Variants in NETO2 observed in about 807,000 individuals in gnomAD.
NETO2 encodes the protein neuropilin and tolloid-like protein 2.
Under a neutral mutation model 62.5 loss-of-function variants are expected in NETO2, and 28 were observed. The observed-to-expected ratio is 0.45, with a 90% CI of 0.33 to 0.61. The LOEUF (loss-of-function observed/expected upper bound fraction) is 0.61. NETO2 is among the 20% of genes least tolerant of loss of function. NETO2 has a pLI of 0.02. For missense variants in NETO2, 548 were observed against 643.2 expected (o/e 0.85, Z 1.60); for synonymous variants, 214 against 219.1 (o/e 0.98, Z 0.21).
In NETO2 at chr16:47,096,755, G is replaced by A. The variant is rs1232250416; in HGVS notation, c.884-10416C>T. 5.9e-5 allele frequency among the ~76,000 whole-genome samples: 9 copies of A among 152,302 alleles called. No homozygotes were observed. The South Asian group carries it at 1.2e-3, about 21-fold the overall frequency. On this transcript the variant is annotated intron_variant, in intron 7 of 8. Coordinates refer to ENST00000562435, the MANE Select transcript of NETO2 (RefSeq NM_018092.5). ...CAGTTGATTCCTGGGCAAGATGGCC[G>A]AATAGGAACAGTTCCAGTCTGCAGC...
At position 47,143,651 on chromosome 16, in the gene NETO2, AGCG is replaced by A; in HGVS notation, c.-42_-40del. On this transcript the variant is annotated 5_prime_UTR_variant, in exon 1 of 9. Coordinates refer to ENST00000562435, the MANE Select transcript of NETO2 (RefSeq NM_018092.5). The stretch of plus-strand genomic sequence containing the variant: ...CCGGCGCTTCGCGAAGGGCTGAGGT[AGCG>A]GCGGCGGTGGCTCGGCGCTCACGGC... 1 of 1,219,478 alleles carries A rather than the reference AGCG, an allele frequency of 8.2e-7. No individual in the cohort carries two copies. The allele number at this position is 1,219,478 out of a possible 1,614,324, so 75.5% of individuals were successfully genotyped here.
rs1386749620 is a variant in NETO2 at position 47,079,271 on chromosome 16, ACT to A, written c.*3948_*3949del. 3 of 145,586 alleles carry A rather than the reference ACT, an allele frequency of 2.1e-5. No individual in the cohort carries two copies. Among genetic ancestry groups the A allele is most frequent in the Non-Finnish European group, 3.0e-5 (2 of 67,262 alleles). The allele number at this position is 145,586 out of a possible 1,614,324, so 9.0% of individuals were successfully genotyped here. A position where few individuals can be genotyped will look rare whatever the true frequency, so the allele number is the denominator to read the frequency against. On this transcript the variant is annotated 3_prime_UTR_variant, in exon 9 of 9. Coordinates refer to ENST00000562435, the MANE Select transcript of NETO2 (RefSeq NM_018092.5). ...ACTCTAGCCTGGGTGACAGAGCGAG[ACT>A]CTGTCTCAAAAAACAAAAAAACAGA...
At chr16:47,138,363 G>GT (rs1964399767) in intron 1 of NETO2, among the ~76,000 whole-genome samples, 1 of 152,206 alleles carries the variant, frequency 6.6e-6, no homozygotes, top group South Asian at 2.1e-4. Context: ...TCGTGCCACT[G>GT]CACTCCAGCC....
intron 3 of NETO2, 129 bp from the exon 4 acceptor site, chr16:47,128,702 G>A: frequency 1.1e-6 from 1 of 933,214 alleles, no homozygotes; most frequent in South Asian, 1.7e-5. Flanking sequence ...AGTGAGAATT[G>A]CTATACAAGT....
chr16:47,129,091 T>C, intron 3 of NETO2, 133 bp downstream of exon 3: 1 of 835,716 alleles, frequency 1.2e-6, no homozygotes, highest in Non-Finnish European at 1.9e-6. Context: ...GCAGAAATAC[T>C]TATCATTACT....
intron 4 of NETO2, among the ~76,000 whole-genome samples, 191 bp from the exon 5 acceptor site, chr16:47,123,103 G>T (rs993228458): frequency 1.3e-5 from 2 of 152,154 alleles, no homozygotes; most frequent in African/African-American, 4.8e-5. Context: ...TTATATTTTT[G>T]ATTCCATAGT....
At chr16:47,092,208 C>A (rs761537514) in intron 7 of NETO2, among the ~76,000 whole-genome samples, 1 of 152,030 alleles carries the variant, frequency 6.6e-6, no homozygotes, top group South Asian at 2.1e-4. Flanking sequence ...ATGGAAAGGA[C>A]GCGATATGTG....
At chr16:47,141,471 A>C (rs900534556) in intron 1 of NETO2, among the ~76,000 whole-genome samples, 1 of 151,974 alleles carries the variant, frequency 6.6e-6, no homozygotes, top group East Asian at 1.9e-4. Context: ...AAAAAAAAAA[A>C]ACAAAAACAA....
intron 1 of NETO2, among the ~76,000 whole-genome samples, chr16:47,140,636 C>T (rs905581587): frequency 1.3e-5 from 2 of 152,098 alleles, no homozygotes; most frequent in African/African-American, 4.8e-5. Context: ...AGTGTTAAAA[C>T]AGTTTTTCCC....
At chr16:47,115,714 C>CATATATATATATATATATATAT (rs918750034) in intron 6 of NETO2, among the ~76,000 whole-genome samples, 1 of 128,502 alleles carries the variant, frequency 7.8e-6, no homozygotes, top group African/African-American at 3.5e-5. Flanking sequence ...TATATATATA[C>CATATATATATATATATATATAT]ATATATATAT....
intron 1 of NETO2, among the ~76,000 whole-genome samples, chr16:47,134,613 C>T (rs1964332331): frequency 6.6e-6 from 1 of 152,110 alleles, no homozygotes; most frequent in Non-Finnish European, 1.5e-5. Context: ...CGCAGTATAC[C>T]ATTCCTCCTT....
intron 1 of NETO2, among the ~76,000 whole-genome samples, chr16:47,142,660 T>G (rs1211343253): frequency 6.6e-6 from 1 of 152,154 alleles, no homozygotes; most frequent in Non-Finnish European, 1.5e-5. Flanking sequence ...CTTTACTGAG[T>G]GGTGGTGCTG....
chr16:47,128,540 TCAAAGGTCAA>T lies in NETO2; in HGVS notation c.256_265del (p.Leu86MetfsTer6). The T allele has an allele frequency of 1.2e-6, 2 of 1,613,418 alleles. No homozygotes were observed. The highest frequency in any genetic ancestry group is 1.7e-6 in the Non-Finnish European group (2 of 1,179,928). ...TGATGGTTCTATATAATAATGTTCATCAAAGGTCAACTCTATTCTTTGACGTGGAGCAGCT... is the reference window on the plus strand; with the variant it reads ...TGATGGTTCTATATAATAATGTTCATCTCTATTCTTTGACGTGGAGCAGCT... On this transcript the variant is annotated frameshift_variant, in exon 4 of 9. Transcript: ENST00000562435. LOFTEE classifies it high-confidence loss of function.
chr16:47,078,014 T>C lies in NETO2; in HGVS notation c.*5207A>G, dbSNP rs895009057. The C allele has an allele frequency of 6.6e-6, 1 of 152,334 alleles. No homozygotes were observed. The highest frequency in any genetic ancestry group is 1.5e-5 in the Non-Finnish European group (1 of 68,022). 9.4% of individuals were successfully genotyped at this position (152,334 alleles called of 1,614,324 possible). On this transcript the variant is annotated 3_prime_UTR_variant, in exon 9 of 9. Coordinates refer to ENST00000562435, the MANE Select transcript of NETO2 (RefSeq NM_018092.5). Reference sequence around the variant, plus strand: ...GGCTCTCCAGCCCACTCTGTGACAGTCCTCACTGCCTCTTCAGTGACCGGA... The same window carrying C: ...GGCTCTCCAGCCCACTCTGTGACAGCCCTCACTGCCTCTTCAGTGACCGGA...
At chr16:47,141,448 A>G (rs1015604071) in intron 1 of NETO2, among the ~76,000 whole-genome samples, 2 of 151,932 alleles carry the variant, frequency 1.3e-5, no homozygotes, top group African/African-American at 4.8e-5. Context: ...AATAAATTAT[A>G]CATGCGTTTG....
At chr16:47,093,879 T>G (rs1158204138) in intron 7 of NETO2, among the ~76,000 whole-genome samples, 1 of 152,210 alleles carries the variant, frequency 6.6e-6, no homozygotes, top group African/African-American at 2.4e-5. Flanking sequence ...TTTGCACAAA[T>G]CATACAGCTT....
chr16:47,111,519 A>C (rs1350358560), intron 6 of NETO2, among the ~76,000 whole-genome samples: 1 of 152,230 alleles, frequency 6.6e-6, no homozygotes, highest in Non-Finnish European at 1.5e-5. Flanking sequence ...TGTTGGGAGA[A>C]GGGCATAAAC....
In NETO2 at chr16:47,143,687, G is replaced by A; in HGVS notation, c.-75C>T. On this transcript the variant is annotated 5_prime_UTR_variant, in exon 1 of 9. Coordinates refer to ENST00000562435, the MANE Select transcript of NETO2 (RefSeq NM_018092.5). Reference sequence around the variant, plus strand: ...TGGCTCGGCGCTCACGGCTCGGCGCGGCGGCGACGGCCCCACTCCGTCCCC... The same window carrying A: ...TGGCTCGGCGCTCACGGCTCGGCGCAGCGGCGACGGCCCCACTCCGTCCCC... 1 of 1,213,748 alleles carries A rather than the reference G, an allele frequency of 8.2e-7. No individual in the cohort carries two copies. Among genetic ancestry groups the A allele is most frequent in the Non-Finnish European group, 1.0e-6 (1 of 975,646 alleles). The allele number at this position is 1,213,748 out of a possible 1,614,324, so 75.2% of individuals were successfully genotyped here.
chr16:47,131,417 G>C (rs1373081936), intron 2 of NETO2, among the ~76,000 whole-genome samples: 1 of 152,102 alleles, frequency 6.6e-6, no homozygotes, highest in Non-Finnish European at 1.5e-5. Context: ...GGGCAAGATG[G>C]GGAACTCATT....
Sources: gnomAD v4.1 joint callset for allele counts (sites outside exome capture counted in the v4.1 genomes callset) on GRCh38, gnomAD v4.1.1 for gene constraint, MANE v1.5 for transcripts, NCBI Gene and HGNC (gene_info 2026-07-23, HGNC 2026-07-21) for gene names.